The following ADCYAP1R1 variants were observed in gnomAD, a reference collection of about 807,000 sequenced individuals.
The protein encoded by ADCYAP1R1 is pituitary adenylate cyclase-activating polypeptide type I receptor.
Under a neutral mutation model 67.6 loss-of-function variants are expected in ADCYAP1R1, and 44 were observed. That is an observed-to-expected ratio of 0.65 (90% confidence interval 0.51 to 0.84). The LOEUF (loss-of-function observed/expected upper bound fraction) is 0.84, where lower values mean the gene tolerates loss of function less well. Ranked by LOEUF, ADCYAP1R1 falls within the 40% of genes least tolerant of loss-of-function variation. ADCYAP1R1 has a pLI of 0.00. For missense variants in ADCYAP1R1, 477 were observed against 587.9 expected, an observed-to-expected ratio of 0.81 and a Z score of 1.95; for synonymous variants, 222 against 219.6, an observed-to-expected ratio of 1.01 and a Z score of -0.10.
chr7:31,063,917 T>C (rs1794620371), intron 2 of ADCYAP1R1, among the ~76,000 whole-genome samples: 1 of 152,244 alleles, frequency 6.6e-6, no homozygotes, highest in Admixed American at 6.5e-5. Context: ...GATTGGACTA[T>C]GTCCCCAAAA....
chr7:31,084,007 G>A (rs902723245), intron 6 of ADCYAP1R1, 134 bp from the exon 7 acceptor site: 1 of 709,574 alleles, frequency 1.4e-6, no homozygotes, highest in Non-Finnish European at 2.4e-6. Context: ...ACTGATTTCT[G>A]AAACCTTTCC....
chr7:31,084,075 T>C, intron 6 of ADCYAP1R1, 66 bp from the exon 7 acceptor site: 1 of 1,417,422 alleles, frequency 7.1e-7, no homozygotes, highest in Non-Finnish European at 9.9e-7. Context: ...TACGTAATTT[T>C]TGCATAAGAA....
At chr7:31,094,475 A>T (rs1796101624) in intron 13 of ADCYAP1R1, among the ~76,000 whole-genome samples, 1 of 152,004 alleles carries the variant, frequency 6.6e-6, no homozygotes, top group East Asian at 1.9e-4. Flanking sequence ...GCTGGCAGGG[A>T]GCTAAGTCAA....
rs1795350511 is a variant in ADCYAP1R1 at position 31,078,038 on chromosome 7, G to A, written c.205G>A (p.Val69Met). 2 of 1,613,250 alleles carry A rather than the reference G, an allele frequency of 1.2e-6. No individual in the cohort carries two copies. The highest frequency in any genetic ancestry group is 1.3e-5 in the African/African-American group (1 of 74,866). ...DNITCWKPAH[V>M]GEMVLVSCPE... ...CATCACGTGTTGGAAGCCCGCCCATGTGGGTGAGATGGTCCTGGTCAGCTG... is the reference window on the plus strand; with the variant it reads ...CATCACGTGTTGGAAGCCCGCCCATATGGGTGAGATGGTCCTGGTCAGCTG... Residue 69 changes from valine to methionine, a missense_variant, in exon 4 of 16, where the codon GTG (valine) becomes ATG (methionine). Val to Met is a conservative substitution (Grantham distance 21). Coordinates refer to ENST00000304166, the MANE Select transcript of ADCYAP1R1 (RefSeq NM_001118.5).
intron 4 of ADCYAP1R1, among the ~76,000 whole-genome samples, chr7:31,079,639 G>A (rs1431040272): frequency 6.6e-6 from 1 of 152,234 alleles, no homozygotes; most frequent in Admixed American, 6.5e-5. Context: ...GGGGCTTGCA[G>A]GAGGTGGCAG....
At chr7:31,085,969 A>G (rs1229668094) in intron 9 of ADCYAP1R1, among the ~76,000 whole-genome samples, 1 of 152,174 alleles carries the variant, frequency 6.6e-6, no homozygotes, top group Non-Finnish European at 1.5e-5. Context: ...GGGAGCCTCT[A>G]TGAGTAGAGA....
At chr7:31,106,072 C>T (rs1796632270) in intron 15 of ADCYAP1R1, among the ~76,000 whole-genome samples, 1 of 152,208 alleles carries the variant, frequency 6.6e-6, no homozygotes, top group Non-Finnish European at 1.5e-5. Context: ...GGGGTATGGC[C>T]TGGGCATCTG....
intron 1 of ADCYAP1R1, among the ~76,000 whole-genome samples, chr7:31,062,369 G>A (rs541342453): frequency 2.7e-4 from 41 of 152,288 alleles, no homozygotes; most frequent in African/African-American, 8.9e-4. Flanking sequence ...ACCTGTCACC[G>A]TGTTTTCCGT....
Position 31,085,322 on chromosome 7 carries a change from C to T in ADCYAP1R1, c.549C>T (p.Cys183=), listed in dbSNP as rs757039671. Residue 183 remains cysteine, a synonymous_variant, in exon 9 of 16, where the codon TGC becomes TGT. Transcript: ENST00000304166. ...VILCRFRKLH[C]TRNFIHMNLF... is the part of the protein sequence containing the mutation. ...CCCACTCATGTAGGAAGCTGCACTG[C>T]ACACGCAACTTCATCCACATGAACC... 16 of 1,613,682 alleles carry T rather than the reference C, an allele frequency of 9.9e-6. No homozygotes were observed. In the Admixed American group the frequency reaches 1.0e-4, roughly 10 times the overall value.
At chr7:31,064,684 C>T (rs1198698279) in intron 2 of ADCYAP1R1, 147 bp from the exon 3 acceptor site, 1 of 642,814 alleles carries the variant, frequency 1.6e-6, no homozygotes. Context: ...AATGTCAGGG[C>T]CCCTGCTGGC....
chr7:31,092,582 G>A, intron 12 of ADCYAP1R1, 62 bp from the exon 13 acceptor site: 1 of 1,360,406 alleles, frequency 7.4e-7, no homozygotes, highest in South Asian at 1.2e-5. Flanking sequence ...GTCCTGCTGG[G>A]GAAATAATAG....
intron 1 of ADCYAP1R1, among the ~76,000 whole-genome samples, chr7:31,062,858 A>T (rs796390893): frequency 3.3e-5 from 5 of 152,300 alleles, no homozygotes; most frequent in African/African-American, 1.2e-4. Context: ...GCCAGCTAAA[A>T]CTTTGTCACT....
intron 4 of ADCYAP1R1, among the ~76,000 whole-genome samples, chr7:31,078,502 G>T (rs1243880066): frequency 3.9e-5 from 6 of 152,298 alleles, no homozygotes; most frequent in African/African-American, 1.4e-4. Context: ...ATGTTAGCTG[G>T]GATAATTGTC....
At chr7:31,067,418 T>G (rs1320044468) in intron 3 of ADCYAP1R1, among the ~76,000 whole-genome samples, 1 of 151,772 alleles carries the variant, frequency 6.6e-6, no homozygotes, top group Non-Finnish European at 1.5e-5. Flanking sequence ...TCTTTTAAAA[T>G]GAGTGGAGTG....
intron 7 of ADCYAP1R1, 84 bp from the exon 8 acceptor site, chr7:31,084,653 C>T: frequency 8.6e-7 from 1 of 1,157,524 alleles, no homozygotes; most frequent in Non-Finnish European, 1.3e-6. Context: ...AGGCCCTGGC[C>T]TGGGAGACTG....
intron 13 of ADCYAP1R1, among the ~76,000 whole-genome samples, chr7:31,097,345 C>A (rs552290543): frequency 5.3e-5 from 8 of 152,340 alleles, no homozygotes; most frequent in African/African-American, 1.2e-4. Flanking sequence ...ATTTATTTTC[C>A]CTTTTCCCTA....
At chr7:31,084,584 AGGT>A (rs1336678876) in intron 7 of ADCYAP1R1, among the ~76,000 whole-genome samples, 150 bp from the exon 8 acceptor site, 1 of 152,038 alleles carries the variant, frequency 6.6e-6, no homozygotes, top group Non-Finnish European at 1.5e-5. Flanking sequence ...CAGGGGTGGG[AGGT>A]GGTGGAGATG....
intron 15 of ADCYAP1R1, 128 bp from the exon 16 acceptor site, chr7:31,106,368 G>C: frequency 1.7e-6 from 2 of 1,163,882 alleles, no homozygotes; most frequent in African/African-American, 3.2e-5. Flanking sequence ...GCCGCAGGCT[G>C]CAACTGGGGA....
chr7:31,095,879 A>C, intron 13 of ADCYAP1R1: 1 of 628,498 alleles, frequency 1.6e-6, no homozygotes. Context: ...GCACTGAGCC[A>C]CTCGTCCTCT....
Sources: gnomAD v4.1 joint callset for allele counts (sites outside exome capture counted in the v4.1 genomes callset) on GRCh38, gnomAD v4.1.1 for gene constraint, MANE v1.5 for transcripts, NCBI Gene and HGNC (gene_info 2026-07-23, HGNC 2026-07-21) for gene names.